The following FRMPD4 variants were observed in gnomAD, a reference collection of about 807,000 sequenced individuals.
The protein encoded by FRMPD4 is FERM and PDZ domain-containing protein 4.
A neutral mutation model predicts 94.1 loss-of-function variants in FRMPD4; 22 were observed. The observed-to-expected ratio is 0.23, with a 90% CI of 0.17 to 0.33. The LOEUF (loss-of-function observed/expected upper bound fraction) is 0.33, where lower values mean the gene tolerates loss of function less well. Ranked by LOEUF, FRMPD4 falls within the 10% of genes least tolerant of loss-of-function variation. The probability of loss-of-function intolerance (pLI) is 1.00; values close to 1 mark genes in which losing one functional copy is unlikely to be tolerated. For synonymous variants in FRMPD4, 631 were observed against 548.6 expected (o/e 1.15, Z -2.10); for missense variants, 1,111 against 1,339.9 (o/e 0.83, Z 2.67).
chrX:12,042,837 G>T (rs764587756), intron 3 of FRMPD4, among the ~76,000 whole-genome samples: 12 of 111,829 alleles, frequency 1.1e-4, no homozygotes, highest in Non-Finnish European at 2.1e-4. Flanking sequence ...TCTCCCTTTC[G>T]TTTTATACTG....
chrX:12,558,197 C>A (rs2058616544), intron 2 of FRMPD4, among the ~76,000 whole-genome samples: 1 of 112,574 alleles, frequency 8.9e-6, no homozygotes, highest in African/African-American at 3.2e-5. Context: ...TTTGCACATC[C>A]CTTCATGGGC....
chrX:12,640,851 C>T lies in FRMPD4; in HGVS notation c.422+25970C>T, dbSNP rs185855186. Among the ~76,000 whole-genome samples, 75 of 111,354 alleles carry T rather than the reference C, an allele frequency of 6.7e-4. 1 individual carries two copies. The highest frequency in any genetic ancestry group is 2.3e-3 in the African/African-American group (69 of 30,655). On this transcript the variant is annotated intron_variant, in intron 4 of 16. Coordinates refer to ENST00000675598, the MANE Select transcript of FRMPD4 (RefSeq NM_001368397.1). ...TTGTTTACCAATAAGTCTATGTATA[C>T]CTTCCACTAAAAGTTTACCCAAAGT...
intron 4 of FRMPD4, among the ~76,000 whole-genome samples, chrX:12,631,545 GCCC>G (rs1182786123): frequency 3.7e-5 from 4 of 107,921 alleles, no homozygotes; most frequent in Admixed American, 9.9e-5. Context: ...CCCTCCCCTA[GCCC>G]CCCACCCCAC....
At chrX:12,704,547 T>C (rs1199911272) in intron 11 of FRMPD4, 62 bp downstream of exon 11, 18 of 803,747 alleles carry the variant, frequency 2.2e-5, no homozygotes, top group Non-Finnish European at 3.2e-5. Flanking sequence ...ATTTTTTAAA[T>C]GTTTAAAATT....
intron 3 of FRMPD4, among the ~76,000 whole-genome samples, chrX:12,052,344 T>C (rs774683819): frequency 5.4e-5 from 6 of 111,980 alleles, no homozygotes; most frequent in African/African-American, 1.9e-4. Context: ...GCTTGCTATA[T>C]TGATGGTCTA....
chrX:12,664,408 A>T (rs190950408), intron 4 of FRMPD4, among the ~76,000 whole-genome samples: 5 of 112,215 alleles, frequency 4.5e-5, no homozygotes, highest in African/African-American at 1.3e-4. Flanking sequence ...AGTTTTTAGC[A>T]TGAAGAGGTG....
intron 2 of FRMPD4, among the ~76,000 whole-genome samples, chrX:12,579,150 G>GA (rs56007108): frequency 8.9e-6 from 1 of 112,228 alleles, no homozygotes; most frequent in Non-Finnish European, 1.9e-5. Flanking sequence ...TGACTTTAGT[G>GA]AAAAAATCTA....
At chrX:12,047,165 A>T (rs181026442) in intron 3 of FRMPD4, among the ~76,000 whole-genome samples, 1 of 110,017 alleles carries the variant, frequency 9.1e-6, no homozygotes, top group South Asian at 3.9e-4. Context: ...ATATGTGATT[A>T]TATATGTGGC....
At chrX:12,657,835 C>A (rs1388328983) in intron 4 of FRMPD4, among the ~76,000 whole-genome samples, 1 of 112,586 alleles carries the variant, frequency 8.9e-6, no homozygotes, top group Non-Finnish European at 1.9e-5. Context: ...ACTGCAGGTT[C>A]TTAAATTTAA....
At chrX:12,139,669 A>C (rs2055663337) in intron 1 of FRMPD4, among the ~76,000 whole-genome samples, 1 of 111,580 alleles carries the variant, frequency 9.0e-6, no homozygotes, top group African/African-American at 3.3e-5. Context: ...TTTGGGTAGT[A>C]CTGATAAAAG....
intron 3 of FRMPD4, among the ~76,000 whole-genome samples, chrX:11,888,577 G>C (rs2053858463): frequency 1.8e-5 from 2 of 111,561 alleles, no homozygotes; most frequent in Admixed American, 9.5e-5. Flanking sequence ...CCATTACATA[G>C]TTCTTTTTAC....
At chrX:11,998,889 A>G (rs1242651844) in intron 3 of FRMPD4, among the ~76,000 whole-genome samples, 3 of 112,233 alleles carry the variant, frequency 2.7e-5, no homozygotes, top group Admixed American at 9.5e-5. Context: ...GCAGCTGCAC[A>G]GTCACTTAAA....
At chrX:12,285,650 A>C (rs1039623051) in intron 1 of FRMPD4, among the ~76,000 whole-genome samples, 16 of 111,659 alleles carry the variant, frequency 1.4e-4, no homozygotes, top group Non-Finnish European at 3.0e-4. Context: ...GCTGACCCAA[A>C]TCTTTTAAGC....
rs183557061 is a variant in FRMPD4, at chrX:12,681,826, A to G, written c.469-1657A>G. ...ATAAAATGTACCATTTTAAACATTT[A>G]AAAGTGTACAATTTCGTGGCATTAA... On this transcript the variant is annotated intron_variant, in intron 5 of 16. Transcript: ENST00000675598. Among the ~76,000 whole-genome samples the G allele has an allele frequency of 2.2e-3, 247 of 111,865 alleles. 2 individuals carry two copies. The highest frequency in any genetic ancestry group is 7.6e-3 in the African/African-American group (235 of 30,777).
chrX:12,210,634 G>T (rs772699082), intron 1 of FRMPD4, among the ~76,000 whole-genome samples: 4 of 110,756 alleles, frequency 3.6e-5, no homozygotes, highest in Non-Finnish European at 7.6e-5. Flanking sequence ...TTTGAAAGTA[G>T]CTTGGCGGTG....
chrX:12,479,446 G>A lies in FRMPD4; in HGVS notation c.42-19234G>A, dbSNP rs1423778609. Among the ~76,000 whole-genome samples, 236 of 35,592 alleles carry A rather than the reference G, an allele frequency of 6.6e-3. 1 individual carries two copies. In the East Asian group the frequency reaches 0.076, roughly 11 times the overall value. The allele number at this position is 35,592 out of a possible 115,157, so 30.9% of individuals were successfully genotyped here. On this transcript the variant is annotated intron_variant, in intron 1 of 16. Transcript: ENST00000675598. Reference sequence around the variant, plus strand: ...TACGTATATATATACACACATATATGTATATATATGTATATATGTATATAT... The same window carrying A: ...TACGTATATATATACACACATATATATATATATATGTATATATGTATATAT...
At chrX:12,098,473 C>T (rs961536980) in intron 3 of FRMPD4, among the ~76,000 whole-genome samples, 4 of 112,022 alleles carry the variant, frequency 3.6e-5, no homozygotes, top group African/African-American at 9.7e-5. Context: ...TGAGTGGCCT[C>T]GTGGTCAAAT....
At chrX:12,263,929 C>A (rs1456206272) in intron 1 of FRMPD4, among the ~76,000 whole-genome samples, 1 of 111,428 alleles carries the variant, frequency 9.0e-6, no homozygotes, top group Non-Finnish European at 1.9e-5. Flanking sequence ...GAGATAGAAC[C>A]CACAGCCGCA....
At chrX:12,493,857 A>G (rs961669630) in intron 1 of FRMPD4, among the ~76,000 whole-genome samples, 7 of 112,364 alleles carry the variant, frequency 6.2e-5, no homozygotes, top group Non-Finnish European at 1.1e-4. Flanking sequence ...CCATTTGATG[A>G]GACTATTCTA....
Sources: gnomAD v4.1 joint callset for allele counts (sites outside exome capture counted in the v4.1 genomes callset) on GRCh38, gnomAD v4.1.1 for gene constraint, MANE v1.5 for transcripts, NCBI Gene and HGNC (gene_info 2026-07-23, HGNC 2026-07-21) for gene names.